Variants in MBTD1 observed in about 807,000 individuals in gnomAD.
The protein encoded by MBTD1 is mbt domain containing 1.
In MBTD1, 24 loss-of-function variants were observed where a neutral mutation model predicts 87.8. The observed-to-expected ratio is 0.27, with a 90% CI of 0.20 to 0.38. MBTD1 has a LOEUF of 0.38. Ranked by LOEUF, MBTD1 falls within the 10% of genes least tolerant of loss-of-function variation. The probability of loss-of-function intolerance (pLI) is 1.00; values close to 1 mark genes in which losing one functional copy is unlikely to be tolerated. For missense variants in MBTD1, 436 were observed against 760.2 expected (o/e 0.57, Z 5.02); for synonymous variants, 237 against 248.6 (o/e 0.95, Z 0.44).
At chr17:51,194,386 A>G (rs1001089025) in intron 13 of MBTD1, among the ~76,000 whole-genome samples, 9 of 152,010 alleles carry the variant, frequency 5.9e-5, no homozygotes, top group African/African-American at 1.9e-4. Context: ...CCTGGCCTAC[A>G]TGGCGAAACC....
chr17:51,186,558 C>G (rs1352575307), intron 16 of MBTD1, among the ~76,000 whole-genome samples: 1 of 151,996 alleles, frequency 6.6e-6, no homozygotes, highest in Non-Finnish European at 1.5e-5. Flanking sequence ...GGGTGGATCA[C>G]GAGGTCAGGA....
intron 2 of MBTD1, among the ~76,000 whole-genome samples, chr17:51,241,596 C>T (rs562113068): frequency 2.0e-5 from 3 of 151,926 alleles, no homozygotes; most frequent in South Asian, 4.2e-4. Context: ...GATAGCGTCT[C>T]GCTGTTGCCC....
chr17:51,235,865 C>G (rs1207213250), intron 2 of MBTD1, among the ~76,000 whole-genome samples: 1 of 152,054 alleles, frequency 6.6e-6, no homozygotes, highest in Non-Finnish European at 1.5e-5. Flanking sequence ...TTCAGAAGAA[C>G]AAAGTTAAGA....
At chr17:51,231,492 C>A (rs150125714) in intron 2 of MBTD1, among the ~76,000 whole-genome samples, 1 of 152,014 alleles carries the variant, frequency 6.6e-6, no homozygotes, top group South Asian at 2.1e-4. Context: ...ATTTTCCTCA[C>A]GTCAAGGTCT....
At chr17:51,187,501 A>T (rs979789088) in intron 16 of MBTD1, among the ~76,000 whole-genome samples, 1 of 152,058 alleles carries the variant, frequency 6.6e-6, no homozygotes, top group Admixed American at 6.6e-5. Flanking sequence ...CAAAAAAAAT[A>T]CTCTGAACTC....
intron 2 of MBTD1, among the ~76,000 whole-genome samples, chr17:51,229,712 G>A (rs1009596625): frequency 1.4e-5 from 2 of 147,178 alleles, no homozygotes; most frequent in Non-Finnish European, 3.0e-5. Flanking sequence ...CCAGGCTGGA[G>A]TGCAGTGGCG....
At chr17:51,260,509 G>T, upstream of MBTD1, 9 of 1,467,770 alleles carry the variant, frequency 6.1e-6, no homozygotes, top group East Asian at 7.2e-5. Flanking sequence ...CTTCGGCGGC[G>T]GCGGCCCGCG....
intron 2 of MBTD1, among the ~76,000 whole-genome samples, chr17:51,240,079 T>C (rs552198490): frequency 3.7e-4 from 56 of 152,338 alleles, no homozygotes; most frequent in African/African-American, 1.3e-3. Context: ...ATGCGGTCCC[T>C]TTAAGACTTT....
intron 6 of MBTD1, among the ~76,000 whole-genome samples, chr17:51,212,920 G>A (rs1246471525): frequency 6.6e-6 from 1 of 152,112 alleles, no homozygotes; most frequent in East Asian, 1.9e-4. Context: ...AGTAGAGACG[G>A]GGTTTCACCA....
At chr17:51,207,033 G>T in intron 6 of MBTD1, 28 bp from the exon 7 acceptor site, 1 of 1,278,642 alleles carries the variant, frequency 7.8e-7, no homozygotes, top group African/African-American at 1.5e-5. Flanking sequence ...TTAAATTATT[G>T]TCTTATTAAC....
intron 2 of MBTD1, among the ~76,000 whole-genome samples, chr17:51,226,571 C>T (rs2053231300): frequency 6.6e-6 from 1 of 151,950 alleles, no homozygotes; most frequent in Non-Finnish European, 1.5e-5. Flanking sequence ...TTAAATTTGC[C>T]TTTCATCTCT....
chr17:51,192,420 T>C, intron 15 of MBTD1, 140 bp from the exon 16 acceptor site: 4 of 669,790 alleles, frequency 6.0e-6, no homozygotes, highest in Non-Finnish European at 1.0e-5. Context: ...ATAAGGGTAC[T>C]TGTTCCTACA....
At chr17:51,209,014 A>T (rs2052016796) in intron 6 of MBTD1, among the ~76,000 whole-genome samples, 1 of 152,228 alleles carries the variant, frequency 6.6e-6, no homozygotes, top group South Asian at 2.1e-4. Flanking sequence ...AAACCAATCC[A>T]TATGGTTCAT....
chr17:51,259,606 G>C (rs2055336945), intron 1 of MBTD1, among the ~76,000 whole-genome samples: 1 of 151,806 alleles, frequency 6.6e-6, no homozygotes, highest in Non-Finnish European at 1.5e-5. Flanking sequence ...AAAGGGTGGA[G>C]GAGATGGAGA....
At chr17:51,216,056 C>T (rs1251698433) in intron 6 of MBTD1, among the ~76,000 whole-genome samples, 1 of 150,724 alleles carries the variant, frequency 6.6e-6, no homozygotes, top group Admixed American at 6.7e-5. Context: ...CTCAGCCTCT[C>T]GAGTAGCTGG....
At chr17:51,220,105 C>T (rs556911073) in intron 4 of MBTD1, among the ~76,000 whole-genome samples, 89 of 152,310 alleles carry the variant, frequency 5.8e-4, no homozygotes, top group African/African-American at 1.9e-3. Flanking sequence ...TAATTAACTT[C>T]TGCAAATAAT....
chr17:51,231,579 C>T (rs899646072), intron 2 of MBTD1, among the ~76,000 whole-genome samples: 3 of 152,114 alleles, frequency 2.0e-5, no homozygotes, highest in South Asian at 4.2e-4. Flanking sequence ...TTCTAGAGTA[C>T]CTTTTAGGAC....
intron 2 of MBTD1, among the ~76,000 whole-genome samples, chr17:51,239,381 TACTTA>T (rs964812058): frequency 1.2e-4 from 19 of 152,214 alleles, no homozygotes; most frequent in Admixed American, 2.6e-4. Context: ...TACCATAAAA[TACTTA>T]ACTTTTTATT....
rs1309018442 is a variant in MBTD1 at position 51,183,964 on chromosome 17, G to C, written c.1769-3270C>G. The C allele has an allele frequency of 2.6e-5, 4 of 152,116 alleles. No individual in the cohort carries two copies. The East Asian group carries it at 7.7e-4, about 29-fold the overall frequency. 9.4% of individuals were successfully genotyped at this position (152,116 alleles called of 1,614,324 possible). On this transcript the variant is annotated intron_variant, in intron 16 of 16. Coordinates refer to ENST00000586178, the MANE Select transcript of MBTD1 (RefSeq NM_017643.3). Reference sequence around the variant, plus strand: ...AAGATCAAACATGTTTCATTCAAACGGATGTTTTTTAAAAAAATGTAAGAA... The same window carrying C: ...AAGATCAAACATGTTTCATTCAAACCGATGTTTTTTAAAAAAATGTAAGAA...
Sources: allele counts gnomAD v4.1 joint callset (sites outside exome capture counted in the v4.1 genomes callset), GRCh38; gene constraint gnomAD v4.1.1; transcripts MANE v1.5; gene names NCBI Gene and HGNC (gene_info 2026-07-23, HGNC 2026-07-21).